Variants in ABCF2 observed in about 807,000 individuals in gnomAD.
The protein encoded by ABCF2 is ATP binding cassette subfamily F member 2.
A neutral mutation model predicts 76.9 loss-of-function variants in ABCF2; 37 were observed. The observed-to-expected ratio is 0.48, with a 90% confidence interval of 0.37 to 0.63. ABCF2 has a LOEUF of 0.63. ABCF2 is among the 30% of genes least tolerant of loss of function. The pLI, the probability that ABCF2 is intolerant of heterozygous loss-of-function variation, is 0.00. For missense variants in ABCF2, 524 were observed against 782.1 expected (o/e 0.67, Z 3.94); for synonymous variants, 299 against 283.7 (o/e 1.05, Z -0.54).
In ABCF2 at chr7:151,219,178, G is replaced by T; in HGVS notation, c.922-19C>A. ...AATTACCCTGCATGGAAATGTGCCAGGTAAGGCAGGCAGCTTTAACCTGGG... is the reference window on the plus strand; with the variant it reads ...AATTACCCTGCATGGAAATGTGCCATGTAAGGCAGGCAGCTTTAACCTGGG... On this transcript the variant is annotated intron_variant, in intron 7 of 14. Transcript: ENST00000287844. 1.2e-6 allele frequency: 2 copies of T among 1,608,728 alleles called. No homozygotes were observed. The highest frequency in any genetic ancestry group is 1.7e-6 in the Non-Finnish European group (2 of 1,175,250).
At position 151,226,497 on chromosome 7, in the gene ABCF2, G is replaced by T. The variant is rs1802375253; in HGVS notation, c.-39C>A. On this transcript the variant is annotated 5_prime_UTR_variant, in exon 2 of 15. Transcript: ENST00000287844. ...AGGGGTAGGTTACTGTTGTTTCAGG[G>T]AGCCTGAAGGAAGGCAAACAGATAC... 1.3e-6 allele frequency: 2 copies of T among 1,598,746 alleles called. No homozygotes were observed. The highest frequency in any genetic ancestry group is 2.7e-5 in the African/African-American group (2 of 74,006).
At chr7:151,218,485 G>A (rs1170110138) in intron 10 of ABCF2, 76 bp downstream of exon 10, 1 of 1,332,252 alleles carries the variant, frequency 7.5e-7, no homozygotes, top group African/African-American at 1.4e-5. Context: ...GGTCAGCACA[G>A]AACAGGAGCA....
chr7:151,222,089 A>T lies in ABCF2; in HGVS notation c.819-409T>A, dbSNP rs116373287. On this transcript the variant is annotated intron_variant, in intron 6 of 14. Coordinates refer to ENST00000287844, the MANE Select transcript of ABCF2 (RefSeq NM_007189.3). ...GGTACTAAGTCATCGTACCACTAAA[A>T]GCCTTCTTTTAAAATTGGTACAATA... is the stretch of plus-strand genomic sequence containing the variant. 3.8e-3 allele frequency: 705 copies of T among 185,722 alleles called. 3 individuals carry two copies. The highest frequency in any genetic ancestry group is 0.016 in the African/African-American group (671 of 42,402). 11.5% of individuals were successfully genotyped at this position (185,722 alleles called of 1,614,324 possible). A position where few individuals can be genotyped will look rare whatever the true frequency, so the allele number is the denominator to read the frequency against.
rs183442778 is a variant in ABCF2 at position 151,213,323 on chromosome 7, C to T, written c.*731G>A. ...CTGATTCATGTTAAAGTCTGTGAAT[C>T]ACAGGCCTGAGAAAAGGTACAATTT... On this transcript the variant is annotated 3_prime_UTR_variant, in exon 15 of 15. Transcript: ENST00000287844. The T allele has an allele frequency of 3.0e-6, 3 of 984,994 alleles. No individual in the cohort carries two copies. In the Admixed American group the frequency reaches 1.8e-4, roughly 60 times the overall value. The allele number at this position is 984,994 out of a possible 1,614,324, so 61.0% of individuals were successfully genotyped here. A position where few individuals can be genotyped will look rare whatever the true frequency, so the allele number is the denominator to read the frequency against.
chr7:151,223,923 G>C lies in ABCF2; in HGVS notation c.550+9C>G. The stretch of plus-strand genomic sequence containing the variant: ...ACGCCCACCCCTATGCCCAGGTCTG[G>C]AGCCCTACCATCCTCATGAGCCAGC... On this transcript the variant is annotated intron_variant, in intron 4 of 14. Transcript: ENST00000287844. 1 of 1,611,888 alleles carries C rather than the reference G, an allele frequency of 6.2e-7. No homozygotes were observed. Among genetic ancestry groups the C allele is most frequent in the Non-Finnish European group, 8.5e-7 (1 of 1,178,440 alleles).
Position 151,223,791 on chromosome 7 carries a change from C to T in ABCF2, c.609G>A (p.Lys203=), listed in dbSNP as rs780946986. 5.0e-6 allele frequency: 8 copies of T among 1,613,966 alleles called. No homozygotes were observed. In the South Asian group the frequency reaches 5.5e-5, roughly 11 times the overall value. The change falls in exon 5 of 15, where the codon AAG becomes AAA. Residue 203 remains lysine (K), a synonymous_variant. Coordinates refer to ENST00000287844, the MANE Select transcript of ABCF2 (RefSeq NM_007189.3). ...YERLEELDAD[K]AEMRASRILH... The stretch of plus-strand genomic sequence containing the variant: ...AGATCCGCGAGGCCCTCATCTCTGC[C>T]TTGTCGGCATCCAGCTCCTCCAGGC...
Position 151,211,908 on chromosome 7 carries a change from G to A in ABCF2, c.*2146C>T. On this transcript the variant is annotated 3_prime_UTR_variant, in exon 15 of 15. Coordinates refer to ENST00000287844, the MANE Select transcript of ABCF2 (RefSeq NM_007189.3). ...GAGGCTCCTGTCCCTGTTGCCCAGG[G>A]CAGCTCCTGGACTTTGTGGCCATCT... is the stretch of plus-strand genomic sequence containing the variant. 1.0e-6 allele frequency: 1 copy of A among 985,442 alleles called. No homozygotes were observed. Among genetic ancestry groups the A allele is most frequent in the African/African-American group, 1.7e-5 (1 of 57,352 alleles). The allele number at this position is 985,442 out of a possible 1,614,324, so 61.0% of individuals were successfully genotyped here.
At position 151,213,410 on chromosome 7, in the gene ABCF2, C is replaced by T. The variant is rs969203544; in HGVS notation, c.*644G>A. On this transcript the variant is annotated 3_prime_UTR_variant, in exon 15 of 15. Coordinates refer to ENST00000287844, the MANE Select transcript of ABCF2 (RefSeq NM_007189.3). ...CTATGGACTAGTCTTCAGTTCCCAT[C>T]GACACACTGACGCTGGATCCAGCTC... 52 of 985,294 alleles carry T rather than the reference C, an allele frequency of 5.3e-5. No homozygotes were observed. The highest frequency in any genetic ancestry group is 6.1e-5 in the Admixed American group (1 of 16,264). The allele number at this position is 985,294 out of a possible 1,614,324, so 61.0% of individuals were successfully genotyped here. A position where few individuals can be genotyped will look rare whatever the true frequency, so the allele number is the denominator to read the frequency against.
At chr7:151,224,414 C>G (rs1339822799) in intron 3 of ABCF2, among the ~76,000 whole-genome samples, 1 of 152,156 alleles carries the variant, frequency 6.6e-6, no homozygotes, top group Non-Finnish European at 1.5e-5. Flanking sequence ...TGGACGCACC[C>G]TAATCTGAAA....
intron 7 of ABCF2, among the ~76,000 whole-genome samples, chr7:151,221,202 CTTTT>C (rs57035639): frequency 5.7e-5 from 8 of 140,568 alleles, no homozygotes; most frequent in African/African-American, 7.8e-5. Flanking sequence ...GATAGGTCTG[CTTTT>C]TTTTTTTTTT....
chr7:151,222,676 G>A (rs1337202311), intron 5 of ABCF2, 60 bp from the exon 6 acceptor site: 19 of 1,427,368 alleles, frequency 1.3e-5, no homozygotes, highest in East Asian at 2.3e-5. Context: ...GACACAGGAC[G>A]GGACAAACTT....
chr7:151,223,687 G>C lies in ABCF2; in HGVS notation c.713C>G (p.Ala238Gly). 6.3e-7 allele frequency: 1 copy of C among 1,599,346 alleles called. No homozygotes were observed. The highest frequency in any genetic ancestry group is 8.5e-7 in the Non-Finnish European group (1 of 1,170,058). ...GGAGGGAGGGACTCACCTGGCAAGG[G>C]CAACCCTCATCCTCCAGCCCCCACT... Reference protein sequence around the residue: ...DFSGGWRMRVALARALFIRPF... With the variant: ...DFSGGWRMRVGLARALFIRPF... Residue 238 changes from alanine (A) to glycine (G), a missense_variant, in exon 5 of 15, where the codon GCC (alanine) becomes GGC (glycine). Coordinates refer to ENST00000287844, the MANE Select transcript of ABCF2 (RefSeq NM_007189.3).
Position 151,213,562 on chromosome 7 carries a change from G to GT in ABCF2, c.*491dup. On this transcript the variant is annotated 3_prime_UTR_variant, in exon 15 of 15. Transcript: ENST00000287844. ...TTGTAGATGTCACGCAGGTCTAAAA[G>GT]TTACACTGCTAAATAATTATTTAAA... 1.0e-6 allele frequency: 1 copy of GT among 986,746 alleles called. No homozygotes were observed. The highest frequency in any genetic ancestry group is 1.2e-6 in the Non-Finnish European group (1 of 831,006). 61.1% of individuals were successfully genotyped at this position (986,746 alleles called of 1,614,324 possible).
chr7:151,212,319 A>C lies in ABCF2; in HGVS notation c.*1735T>G. The C allele has an allele frequency of 1.0e-6, 1 of 985,438 alleles. No individual in the cohort carries two copies. The highest frequency in any genetic ancestry group is 1.2e-6 in the Non-Finnish European group (1 of 829,934). The allele number at this position is 985,438 out of a possible 1,614,324, so 61.0% of individuals were successfully genotyped here. A position where few individuals can be genotyped will look rare whatever the true frequency, so the allele number is the denominator to read the frequency against. Reference sequence around the variant, plus strand: ...TAAGGTATGCAGAGCCCTGGGCTGGAAGTGAATTCAACAGTGATGATAACT... The same window carrying C: ...TAAGGTATGCAGAGCCCTGGGCTGGCAGTGAATTCAACAGTGATGATAACT... On this transcript the variant is annotated 3_prime_UTR_variant, in exon 15 of 15. Transcript: ENST00000287844.
chr7:151,212,281 CAA>C lies in ABCF2; in HGVS notation c.*1771_*1772del, dbSNP rs953035971. ...CCACTGGTGAAATGCTATTGAAGTT[CAA>C]AAGACCCAGATAAGGTATGCAGAGC... On this transcript the variant is annotated 3_prime_UTR_variant, in exon 15 of 15. Transcript: ENST00000287844. 10 of 985,266 alleles carry C rather than the reference CAA, an allele frequency of 1.0e-5. No individual in the cohort carries two copies. In the African/African-American group the frequency reaches 1.6e-4, roughly 16 times the overall value. The allele number at this position is 985,266 out of a possible 1,614,324, so 61.0% of individuals were successfully genotyped here. A position where few individuals can be genotyped will look rare whatever the true frequency, so the allele number is the denominator to read the frequency against.
At position 151,215,879 on chromosome 7, in the gene ABCF2, G is replaced by C; in HGVS notation, c.1401+88C>G. On this transcript the variant is annotated intron_variant, in intron 12 of 14. Transcript: ENST00000287844. This position sits in a 1 kb window ranked among gnomAD's most constrained non-coding sequence, Gnocchi z 4.6. Reference sequence around the variant, plus strand: ...CACCTAGGCTGGAATTCCTGCCAGGGGGTGGGGGCGGCTGGCTGGAACTCA... The same window carrying C: ...CACCTAGGCTGGAATTCCTGCCAGGCGGTGGGGGCGGCTGGCTGGAACTCA... The C allele has an allele frequency of 6.3e-7, 1 of 1,581,994 alleles. No homozygotes were observed. The highest frequency in any genetic ancestry group is 8.6e-7 in the Non-Finnish European group (1 of 1,156,854).
chr7:151,218,775 T>C lies in ABCF2; in HGVS notation c.1116A>G (p.Thr372=). The C allele has an allele frequency of 6.2e-7, 1 of 1,612,730 alleles. No individual in the cohort carries two copies. Among genetic ancestry groups the C allele is most frequent in the African/African-American group, 1.3e-5 (1 of 74,784 alleles). Residue 372 remains threonine, a synonymous_variant, in exon 9 of 15, where the codon ACA becomes ACG. Coordinates refer to ENST00000287844, the MANE Select transcript of ABCF2 (RefSeq NM_007189.3). The part of the protein sequence containing the change: ...TLQKMMASGL[T]ERVVSDKTLS... ...CCACCTTATCGCTCACGACCCTCTCTGTCAGTCCTGATGCCATCATTTTCT... is the reference window on the plus strand; with the variant it reads ...CCACCTTATCGCTCACGACCCTCTCCGTCAGTCCTGATGCCATCATTTTCT...
At chr7:151,223,229 G>A (rs1009132750) in intron 5 of ABCF2, among the ~76,000 whole-genome samples, 1 of 152,156 alleles carries the variant, frequency 6.6e-6, no homozygotes, top group Non-Finnish European at 1.5e-5. Context: ...TAGTGACTCT[G>A]GGGGGATTAT....
At chr7:151,221,769 C>T in intron 6 of ABCF2, 89 bp from the exon 7 acceptor site, 1 of 936,930 alleles carries the variant, frequency 1.1e-6, no homozygotes, top group Non-Finnish European at 1.7e-6. Context: ...CATCCTCATC[C>T]CTAAGCACCT....
Sources: gnomAD v4.1 joint callset for allele counts (sites outside exome capture counted in the v4.1 genomes callset) on GRCh38, gnomAD v4.1.1 for gene constraint, Gnocchi (gnomAD v3.1) non-coding constraint, MANE v1.5 for transcripts, NCBI Gene and HGNC (gene_info 2026-07-23, HGNC 2026-07-21) for gene names.